RIMBP2: variants seen among roughly 807,000 people sequenced by gnomAD.
The protein encoded by RIMBP2 is RIMS-binding protein 2.
Under a neutral mutation model 118.6 loss-of-function variants are expected in RIMBP2, and 48 were observed. That is an observed-to-expected ratio of 0.40 (90% CI 0.32 to 0.51). The LOEUF (loss-of-function observed/expected upper bound fraction) is 0.51. Ranked by LOEUF, RIMBP2 falls within the 20% of genes least tolerant of loss-of-function variation. The pLI, the probability that RIMBP2 is intolerant of heterozygous loss-of-function variation, is 0.41. For missense variants in RIMBP2, 1,551 were observed against 1,768.3 expected (o/e 0.88, Z 2.20); for synonymous variants, 762 against 742.9 (o/e 1.03, Z -0.42).
chr12:130,571,698 C>T (rs1190174725), intron 2 of RIMBP2, among the ~76,000 whole-genome samples: 1 of 152,154 alleles, frequency 6.6e-6, no homozygotes, highest in African/African-American at 2.4e-5. Flanking sequence ...TACTCAAGAC[C>T]CTCCTGTGCC....
At position 130,609,473 on chromosome 12, in the gene RIMBP2, G is replaced by GTT. The variant is rs1373516704; in HGVS notation, c.-217+18848_-217+18849insAA. On this transcript the variant is annotated intron_variant, in intron 2 of 22. Transcript: ENST00000690449. Reference sequence around the variant, plus strand: ...CCCCAGAGGAGAACTGAGCCACCTGGGGGACCTTCTCTGGTGAGGTCGGGG... The same window carrying GTT: ...CCCCAGAGGAGAACTGAGCCACCTGGTTGGGACCTTCTCTGGTGAGGTCGGGG... Among the ~76,000 whole-genome samples the GTT allele has an allele frequency of 8.3e-4, 125 of 150,898 alleles. 8 individuals are homozygous for GTT. The highest frequency in any genetic ancestry group is 2.4e-3 in the Admixed American group (37 of 15,182).
intron 2 of RIMBP2, among the ~76,000 whole-genome samples, chr12:130,596,358 A>C (rs753006492): frequency 6.6e-6 from 1 of 152,096 alleles, no homozygotes; most frequent in Non-Finnish European, 1.5e-5. Context: ...CAAAACCCAG[A>C]AAGGGGCACT....
At chr12:130,486,782 C>G (rs1457014772) in intron 4 of RIMBP2, among the ~76,000 whole-genome samples, 1 of 152,006 alleles carries the variant, frequency 6.6e-6, no homozygotes, top group Non-Finnish European at 1.5e-5. Flanking sequence ...CCGTTCTCTC[C>G]TGTGTCCAAC....
Position 130,428,250 on chromosome 12 carries a change from G to C in RIMBP2, c.2341C>G (p.Leu781Val), listed in dbSNP as rs781030036. 1 of 1,613,670 alleles carries C rather than the reference G, an allele frequency of 6.2e-7. No homozygotes were observed. The highest frequency in any genetic ancestry group is 8.5e-7 in the Non-Finnish European group (1 of 1,179,810). The change falls in exon 15 of 23, where the codon CTG (leucine) becomes GTG (valine). Residue 781 changes from leucine to valine, a missense_variant. Leu to Val is a conservative substitution (Grantham distance 32). This residue lies in a region of RIMBP2 where 1,038 missense variants were observed against 1,125.1 expected (regional missense o/e 0.92). Coordinates refer to ENST00000690449, the MANE Select transcript of RIMBP2 (RefSeq NM_001393629.1). ...SDIMEEDEEE[L>V]YSEMQLEDGG... is the part of the protein sequence containing the mutation. ...TCTTCCAGCTGCATTTCAGAATACA[G>C]CTCCTCCTCGTCCTCCTCCATGATG... is the stretch of plus-strand genomic sequence containing the variant.
chr12:130,582,724 G>GA, intron 2 of RIMBP2, among the ~76,000 whole-genome samples: 1 of 152,378 alleles, frequency 6.6e-6, no homozygotes, highest in Non-Finnish European at 1.5e-5. Flanking sequence ...TGCTGAATCA[G>GA]AAACTGGAGG....
In RIMBP2 at chr12:130,451,175, C is replaced by T. The variant is rs769372962; in HGVS notation, c.504+20G>A. 13 of 1,610,068 alleles carry T rather than the reference C, an allele frequency of 8.1e-6. No individual in the cohort carries two copies. The South Asian group carries it at 1.3e-4, about 16-fold the overall frequency. On this transcript the variant is annotated intron_variant, in intron 8 of 22. Transcript: ENST00000690449. ...ACACAGCACAGGCAGCCCCGGCAGC[C>T]CCTGCGGGACGGGACTCACGTCTGA...
chr12:130,568,395 G>A (rs569958945), intron 2 of RIMBP2, among the ~76,000 whole-genome samples: 2 of 152,344 alleles, frequency 1.3e-5, no homozygotes, highest in Non-Finnish European at 2.9e-5. Flanking sequence ...CAGTCTGGCT[G>A]GATCAGTGGT....
At chr12:130,458,974 G>A (rs554188109) in intron 6 of RIMBP2, among the ~76,000 whole-genome samples, 17 of 150,974 alleles carry the variant, frequency 1.1e-4, no homozygotes, top group Non-Finnish European at 2.4e-4. Flanking sequence ...AACCCGGGAG[G>A]CAGAGGTTGT....
chr12:130,430,386 G>T (rs1410057025), intron 14 of RIMBP2: 1 of 152,174 alleles, frequency 6.6e-6, no homozygotes, highest in East Asian at 1.9e-4. Context: ...TTATAAAGAG[G>T]CTGAGGTAAA....
chr12:130,473,617 C>T lies in RIMBP2; in HGVS notation c.103-2874G>A, dbSNP rs2081191912. Among the ~76,000 whole-genome samples the T allele has an allele frequency of 2.0e-5, 3 of 152,312 alleles. No homozygotes were observed. The South Asian group carries it at 6.2e-4, about 32-fold the overall frequency. On this transcript the variant is annotated intron_variant, in intron 5 of 22. Transcript: ENST00000690449. The stretch of plus-strand genomic sequence containing the variant: ...AGGGGCCTCCGTGGGCGTTATGAAA[C>T]GTTAGCTCTGCAGAAAAGTCAGTGA...
At chr12:130,679,591 C>T (rs556044149) in intron 1 of RIMBP2, among the ~76,000 whole-genome samples, 7 of 152,256 alleles carry the variant, frequency 4.6e-5, no homozygotes, top group Non-Finnish European at 7.3e-5. Context: ...GGTGCAGGTG[C>T]GGGCGCATTC....
intron 11 of RIMBP2, among the ~76,000 whole-genome samples, chr12:130,438,786 C>T (rs1004723881): frequency 4.6e-5 from 7 of 152,114 alleles, no homozygotes; most frequent in Admixed American, 4.6e-4. Context: ...CCTAAACTGT[C>T]TGTGGAACCA....
rs527865203 is a variant in RIMBP2, at chr12:130,664,401, A to C, written c.-351-35945T>G. Among the ~76,000 whole-genome samples, 4 of 85,550 alleles carry C rather than the reference A, an allele frequency of 4.7e-5. No homozygotes were observed. The South Asian group carries it at 1.6e-3, about 34-fold the overall frequency. 56.1% of individuals were successfully genotyped at this position (85,550 alleles called of 152,430 possible). On this transcript the variant is annotated intron_variant, in intron 1 of 22. Transcript: ENST00000690449. ...CACGCACGCGCATGCACACACACGCACGCACGCACGCACACACACGCACAC... is the reference window on the plus strand; with the variant it reads ...CACGCACGCGCATGCACACACACGCCCGCACGCACGCACACACACGCACAC...
intron 2 of RIMBP2, among the ~76,000 whole-genome samples, chr12:130,588,898 C>A (rs2059084549): frequency 6.6e-6 from 1 of 152,198 alleles, no homozygotes; most frequent in African/African-American, 2.4e-5. Flanking sequence ...GAACATGATT[C>A]AAATTCTTCT....
At chr12:130,605,894 T>C (rs1053545885) in intron 2 of RIMBP2, among the ~76,000 whole-genome samples, 1 of 152,004 alleles carries the variant, frequency 6.6e-6, no homozygotes, top group Non-Finnish European at 1.5e-5. Flanking sequence ...TAAAACCCCA[T>C]CTCTACTGAA....
At chr12:130,643,418 GAAGCACAGAGATGA>G in intron 1 of RIMBP2, among the ~76,000 whole-genome samples, 1 of 152,316 alleles carries the variant, frequency 6.6e-6, no homozygotes, top group South Asian at 2.1e-4. Flanking sequence ...CAGGACCATG[GAAGCACAGAGATGA>G]AAGCCGGTCC....
intron 3 of RIMBP2, 25 bp downstream of exon 3, chr12:130,517,803 G>A (rs1179719325): frequency 2.1e-6 from 2 of 957,552 alleles, no homozygotes; most frequent in African/African-American, 1.8e-5. Context: ...GCCCCAGATG[G>A]TCTGTGGACA....
intron 14 of RIMBP2, among the ~76,000 whole-genome samples, chr12:130,432,817 G>A (rs903046167): frequency 3.9e-5 from 6 of 152,122 alleles, no homozygotes; most frequent in African/African-American, 9.7e-5. Context: ...ATTCTGTGAC[G>A]GCAGCCCCAG....
rs188045240 is a variant in RIMBP2, at chr12:130,679,134, A to G, written c.-352+37088T>C. On this transcript the variant is annotated intron_variant, in intron 1 of 22. Coordinates refer to ENST00000690449, the MANE Select transcript of RIMBP2 (RefSeq NM_001393629.1). ...ACAACAACCAAAAAAAAGAAGGGTT[A>G]TAGAATCTAGAAGAATGATAAATTG... Among the ~76,000 whole-genome samples the G allele has an allele frequency of 1.3e-3, 201 of 152,390 alleles. 1 individual carries two copies. Among genetic ancestry groups the G allele is most frequent in the African/African-American group, 3.7e-3 (155 of 41,594 alleles).
Sources: allele counts gnomAD v4.1 joint callset (sites outside exome capture counted in the v4.1 genomes callset), GRCh38; gene constraint gnomAD v4.1.1; regional missense constraint gnomAD v4.1.1; transcripts MANE v1.5; gene names NCBI Gene and HGNC (gene_info 2026-07-23, HGNC 2026-07-21).